DLC1: variants seen among roughly 807,000 people sequenced by gnomAD.
DLC1 encodes the protein rho GTPase-activating protein 7.
A neutral mutation model predicts 140.3 loss-of-function variants in DLC1; 54 were observed. The ratio of observed to expected loss-of-function variants is 0.38; its 90% CI spans 0.31 to 0.48. The LOEUF is 0.48. Ranked by LOEUF, DLC1 falls within the 20% of genes least tolerant of loss-of-function variation. The pLI is 0.96. For missense variants in DLC1, 2,536 were observed against 1,907.0 expected, an observed-to-expected ratio of 1.33 and a Z score of -6.14; for synonymous variants, 986 against 728.1, an observed-to-expected ratio of 1.35 and a Z score of -5.70.
At chr8:13,318,746 C>T (rs1832961463) in intron 4 of DLC1, among the ~76,000 whole-genome samples, 4 of 152,210 alleles carry the variant, frequency 2.6e-5, no homozygotes, top group Admixed American at 2.6e-4. Flanking sequence ...GAAACATTAA[C>T]ACAAAGGTAA....
At chr8:13,104,281 C>A (rs1475094386) in intron 7 of DLC1, among the ~76,000 whole-genome samples, 10 of 151,408 alleles carry the variant, frequency 6.6e-5, no homozygotes, top group Admixed American at 6.6e-4. Flanking sequence ...CCAATACTTT[C>A]ACCTCTGCCA....
At chr8:13,428,340 C>T (rs1838693784) in intron 2 of DLC1, among the ~76,000 whole-genome samples, 1 of 152,066 alleles carries the variant, frequency 6.6e-6, no homozygotes, top group Admixed American at 6.6e-5. Flanking sequence ...AGGATTTTCA[C>T]TTTAATTTTA....
intron 2 of DLC1, among the ~76,000 whole-genome samples, chr8:13,446,135 C>G (rs537450248): frequency 1.4e-4 from 21 of 152,290 alleles, no homozygotes; most frequent in Admixed American, 1.0e-3. Context: ...CTCTCCCCCC[C>G]TCTGTGTTCC....
chr8:13,270,947 C>T (rs955867324), intron 5 of DLC1, among the ~76,000 whole-genome samples: 1 of 152,102 alleles, frequency 6.6e-6, no homozygotes, highest in Admixed American at 6.6e-5. Context: ...GTGCTGTTAT[C>T]CTCTTTGTAT....
At chr8:13,221,595 C>A (rs1284539016) in intron 5 of DLC1, among the ~76,000 whole-genome samples, 2 of 150,126 alleles carry the variant, frequency 1.3e-5, no homozygotes, top group Non-Finnish European at 3.0e-5. Context: ...GATCTTGAAC[C>A]CCTGACCTCA....
At chr8:13,551,897 C>CATATAT (rs3066463) in intron 1 of DLC1, among the ~76,000 whole-genome samples, 3 of 137,896 alleles carry the variant, frequency 2.2e-5, no homozygotes, top group Non-Finnish European at 4.7e-5. Context: ...GGTATATATA[C>CATATAT]ATATATATAT....
chr8:13,349,953 G>T (rs565649433), intron 4 of DLC1, among the ~76,000 whole-genome samples: 1 of 152,326 alleles, frequency 6.6e-6, no homozygotes, highest in African/African-American at 2.4e-5. Context: ...TTCAGTCTCT[G>T]AGACCAGCTT....
chr8:13,478,062 G>A (rs895569815), intron 2 of DLC1, among the ~76,000 whole-genome samples: 2 of 152,124 alleles, frequency 1.3e-5, no homozygotes, highest in South Asian at 2.1e-4. Flanking sequence ...GGTTGTTCTC[G>A]CATTGCTATA....
chr8:13,338,261 C>T (rs1454936), intron 4 of DLC1, among the ~76,000 whole-genome samples: 151,678 of 152,296 alleles, frequency 1, 75,531 homozygotes, highest in Middle Eastern at 1. Context: ...AGACAATTTA[C>T]GTTACAGGTG....
intron 1 of DLC1, among the ~76,000 whole-genome samples, chr8:13,592,757 C>T (rs1287105386): frequency 6.6e-6 from 1 of 152,118 alleles, no homozygotes; most frequent in African/African-American, 2.4e-5. Context: ...CCCAAGCCAA[C>T]AGTTTCTTTC....
intron 1 of DLC1, among the ~76,000 whole-genome samples, chr8:13,560,207 G>A (rs563288761): frequency 3.3e-5 from 5 of 152,048 alleles, no homozygotes; most frequent in Non-Finnish European, 7.4e-5. Flanking sequence ...TACTCAGATC[G>A]AATAGTAGGA....
chr8:13,128,833 T>TTAA (rs1821823091), intron 5 of DLC1, among the ~76,000 whole-genome samples: 1 of 108,436 alleles, frequency 9.2e-6, no homozygotes, highest in African/African-American at 3.9e-5. Flanking sequence ...AGACTCCGTC[T>TTAA]CAAAAAAAAA....
intron 2 of DLC1, among the ~76,000 whole-genome samples, chr8:13,457,101 C>A (rs911415642): frequency 2.0e-5 from 3 of 152,098 alleles, no homozygotes; most frequent in African/African-American, 7.2e-5. Context: ...CTTTTGGTTG[C>A]ACTTAGTATT....
At chr8:13,361,785 G>A (rs1362375620) in intron 4 of DLC1, among the ~76,000 whole-genome samples, 1 of 152,158 alleles carries the variant, frequency 6.6e-6, no homozygotes, top group Non-Finnish European at 1.5e-5. Flanking sequence ...TCTTGCTCAA[G>A]GAAGAACTGA....
At chr8:13,596,511 T>C (rs1026393191) in intron 1 of DLC1, among the ~76,000 whole-genome samples, 1 of 152,006 alleles carries the variant, frequency 6.6e-6, no homozygotes, top group Non-Finnish European at 1.5e-5. Context: ...GATGATTTCA[T>C]GGAAAAGCTA....
chr8:13,506,855 G>C (rs1392237055), intron 1 of DLC1, among the ~76,000 whole-genome samples: 1 of 151,982 alleles, frequency 6.6e-6, no homozygotes, highest in African/African-American at 2.4e-5. Context: ...GGCACATTTT[G>C]TTGCTACGTG....
chr8:13,326,590 G>A (rs116989954), intron 4 of DLC1, among the ~76,000 whole-genome samples: 72 of 152,274 alleles, frequency 4.7e-4, no homozygotes, highest in Middle Eastern at 3.4e-3. Flanking sequence ...TTTGCCAAAA[G>A]AGCCTGACAA....
intron 2 of DLC1, among the ~76,000 whole-genome samples, chr8:13,426,968 C>A (rs765378450): frequency 6.6e-6 from 1 of 152,110 alleles, no homozygotes. Context: ...ACTTGCCGTG[C>A]TTAAGTATGA....
intron 5 of DLC1, among the ~76,000 whole-genome samples, chr8:13,149,636 T>G (rs1350042620): frequency 6.6e-6 from 1 of 152,248 alleles, no homozygotes; most frequent in Non-Finnish European, 1.5e-5. Flanking sequence ...ATTAATATTT[T>G]TCACGTTCTC....
Sources: allele counts gnomAD v4.1 joint callset (sites outside exome capture counted in the v4.1 genomes callset), GRCh38; gene constraint gnomAD v4.1.1; transcripts MANE v1.5; gene names NCBI Gene and HGNC (gene_info 2026-07-23, HGNC 2026-07-21).